The following ARMC9 variants were observed in gnomAD, a reference collection of about 807,000 sequenced individuals.
The protein encoded by ARMC9 is lisH domain-containing protein ARMC9.
In ARMC9, 94 loss-of-function variants were observed where a neutral mutation model predicts 107.0. That is an observed-to-expected ratio of 0.88 (90% CI 0.74 to 1.04). The LOEUF (loss-of-function observed/expected upper bound fraction) is 1.04, where lower values mean the gene tolerates loss of function less well. Among genes scored for constraint, ARMC9 ranks in the 50% least tolerant of loss-of-function variants. ARMC9 has a pLI of 0.00. For synonymous variants in ARMC9, 380 were observed against 396.9 expected, an observed-to-expected ratio of 0.96 and a Z score of 0.51; for missense variants, 942 against 1,030.1, an observed-to-expected ratio of 0.91 and a Z score of 1.17.
chr2:231,308,038 G>A lies in ARMC9; in HGVS notation c.1773+11785G>A, dbSNP rs118094568. Among the ~76,000 whole-genome samples the A allele has an allele frequency of 6.8e-4, 103 of 152,322 alleles. No individual in the cohort carries two copies. In the East Asian group the frequency reaches 0.019, roughly 28 times the overall value. On this transcript the variant is annotated intron_variant, in intron 19 of 24. Transcript: ENST00000611582. Reference sequence around the variant, plus strand: ...AGGGCAAGGGTGGGAGACAAAGCTGGAAGGATGAATTGGAGCCAGACAGTA... The same window carrying A: ...AGGGCAAGGGTGGGAGACAAAGCTGAAAGGATGAATTGGAGCCAGACAGTA...
intron 21 of ARMC9, among the ~76,000 whole-genome samples, chr2:231,346,221 A>G (rs2044806792): frequency 6.6e-6 from 1 of 152,230 alleles, no homozygotes; most frequent in Admixed American, 6.5e-5. Flanking sequence ...GAAAAGTTAA[A>G]GAATATTACA....
chr2:231,338,148 G>C (rs1271579346), intron 20 of ARMC9, among the ~76,000 whole-genome samples: 2 of 152,148 alleles, frequency 1.3e-5, no homozygotes, highest in Non-Finnish European at 2.9e-5. Flanking sequence ...TAAAATAATG[G>C]AATGCAAAAT....
At chr2:231,205,182 C>G (rs541756808) in intron 1 of ARMC9, among the ~76,000 whole-genome samples, 1 of 150,910 alleles carries the variant, frequency 6.6e-6, no homozygotes, top group South Asian at 2.1e-4. Flanking sequence ...TAGTAAGACC[C>G]TGTCTCCCTG....
intron 19 of ARMC9, among the ~76,000 whole-genome samples, chr2:231,317,215 G>A (rs1268158149): frequency 2.0e-5 from 3 of 151,294 alleles, no homozygotes; most frequent in Non-Finnish European, 2.9e-5. Context: ...CTGTCGCCCA[G>A]GCTGGAGCTC....
chr2:231,234,955 G>A (rs1483011508), intron 7 of ARMC9, among the ~76,000 whole-genome samples: 1 of 152,194 alleles, frequency 6.6e-6, no homozygotes, highest in Admixed American at 6.5e-5. Context: ...ATTGCATGAG[G>A]TTCAGTCAAG....
At chr2:231,283,471 C>A (rs2040364322) in intron 17 of ARMC9, among the ~76,000 whole-genome samples, 1 of 152,098 alleles carries the variant, frequency 6.6e-6, no homozygotes, top group Non-Finnish European at 1.5e-5. Context: ...GCTCTGTCAC[C>A]CAGACTGGAG....
At chr2:231,214,332 T>G (rs999065326) in intron 3 of ARMC9, among the ~76,000 whole-genome samples, 4 of 152,306 alleles carry the variant, frequency 2.6e-5, no homozygotes, top group South Asian at 4.1e-4. Context: ...AAGTGGCAGC[T>G]CTATCTCCTA....
At chr2:231,319,507 C>G (rs1276968291) in intron 19 of ARMC9, among the ~76,000 whole-genome samples, 1 of 152,206 alleles carries the variant, frequency 6.6e-6, no homozygotes, top group African/African-American at 2.4e-5. Flanking sequence ...TAACAAACAC[C>G]TGAGGCTCAT....
intron 15 of ARMC9, among the ~76,000 whole-genome samples, 187 bp downstream of exon 15, chr2:231,276,962 G>A (rs1014892884): frequency 1.3e-5 from 2 of 152,144 alleles, no homozygotes; most frequent in Non-Finnish European, 2.9e-5. Context: ...ATCCATTCTT[G>A]CCCTGGAAAA....
At chr2:231,310,402 G>C (rs1346157728) in intron 19 of ARMC9, among the ~76,000 whole-genome samples, 1 of 133,342 alleles carries the variant, frequency 7.5e-6, no homozygotes, top group Non-Finnish European at 1.6e-5. Context: ...TGGGCAACAA[G>C]AGTGAAACTC....
chr2:231,264,294 T>C (rs911335262), intron 12 of ARMC9, among the ~76,000 whole-genome samples: 9 of 152,090 alleles, frequency 5.9e-5, no homozygotes, highest in African/African-American at 2.2e-4. Flanking sequence ...TTCTCCTGCC[T>C]CAGCCTCCCA....
intron 8 of ARMC9, among the ~76,000 whole-genome samples, chr2:231,237,062 C>T (rs375913288): frequency 1.3e-5 from 2 of 152,312 alleles, no homozygotes; most frequent in East Asian, 1.9e-4. Context: ...TTCAGAGAAG[C>T]GTGTAGTAAG....
chr2:231,359,233 T>C (rs954795090), intron 22 of ARMC9, among the ~76,000 whole-genome samples: 1 of 152,034 alleles, frequency 6.6e-6, no homozygotes, highest in African/African-American at 2.4e-5. Context: ...ATTACAGGCA[T>C]GTGTTACCAT....
chr2:231,317,291 T>G (rs990848780), intron 19 of ARMC9, among the ~76,000 whole-genome samples: 1 of 151,820 alleles, frequency 6.6e-6, no homozygotes, highest in African/African-American at 2.4e-5. Context: ...CTGCCTCAGC[T>G]TCCTGAGTGG....
intron 5 of ARMC9, among the ~76,000 whole-genome samples, chr2:231,220,479 C>A (rs900026564): frequency 6.6e-6 from 1 of 151,810 alleles, no homozygotes; most frequent in Non-Finnish European, 1.5e-5. Flanking sequence ...TGCCTGTAAT[C>A]CCAGCTACTC....
chr2:231,351,684 C>G (rs777835166), intron 21 of ARMC9, among the ~76,000 whole-genome samples: 2 of 152,004 alleles, frequency 1.3e-5, no homozygotes, highest in Non-Finnish European at 1.5e-5. Flanking sequence ...TGTTGAACAT[C>G]CTGTAAAAGA....
At chr2:231,331,316 T>C (rs534324775) in intron 19 of ARMC9, among the ~76,000 whole-genome samples, 11 of 152,356 alleles carry the variant, frequency 7.2e-5, no homozygotes, top group Non-Finnish European at 1.6e-4. Context: ...GAACATCCAC[T>C]GGGTCTTCCC....
intron 23 of ARMC9, among the ~76,000 whole-genome samples, chr2:231,364,643 C>T (rs1216905125): frequency 1.3e-5 from 2 of 152,006 alleles, no homozygotes; most frequent in Non-Finnish European, 2.9e-5. Context: ...ACTAAAAATA[C>T]AAAAATTAGC....
At chr2:231,366,361 C>T (rs913267691) in intron 23 of ARMC9, among the ~76,000 whole-genome samples, 6 of 152,026 alleles carry the variant, frequency 3.9e-5, no homozygotes, top group East Asian at 1.9e-4. Flanking sequence ...AATATTTGAC[C>T]GAATATCTGG....
Sources: allele counts gnomAD v4.1 joint callset (sites outside exome capture counted in the v4.1 genomes callset), GRCh38; gene constraint gnomAD v4.1.1; transcripts MANE v1.5; gene names NCBI Gene and HGNC (gene_info 2026-07-23, HGNC 2026-07-21).